Variants in SEMA4D observed in about 807,000 individuals in gnomAD.
The protein encoded by SEMA4D is semaphorin-4D.
SEMA4D carries 22 observed loss-of-function variants against 74.8 expected under a neutral mutation model. That is an observed-to-expected ratio of 0.29 (90% CI 0.21 to 0.42). The LOEUF is 0.42. SEMA4D is among the 10% of genes least tolerant of loss of function. The probability of loss-of-function intolerance (pLI) is 1.00; values close to 1 mark genes in which losing one functional copy is unlikely to be tolerated. For synonymous variants in SEMA4D, 445 were observed against 463.7 expected, an observed-to-expected ratio of 0.96 and a Z score of 0.52; for missense variants, 937 against 1,118.4, an observed-to-expected ratio of 0.84 and a Z score of 2.31.
intron 2 of SEMA4D, among the ~76,000 whole-genome samples, chr9:89,431,008 C>A (rs1452370278): frequency 1.3e-5 from 2 of 152,118 alleles, no homozygotes; most frequent in African/African-American, 4.8e-5. Flanking sequence ...AAATAGGCAC[C>A]CATCAGAAAC....
At chr9:89,406,586 G>C (rs1307916025) in intron 2 of SEMA4D, among the ~76,000 whole-genome samples, 6 of 152,220 alleles carry the variant, frequency 3.9e-5, no homozygotes, top group Non-Finnish European at 7.3e-5. Flanking sequence ...AGGGCGTCTA[G>C]CACCTTGATC....
intron 2 of SEMA4D, chr9:89,450,300 A>G (rs748083041): frequency 3.3e-6 from 3 of 917,458 alleles, no homozygotes; most frequent in Non-Finnish European, 5.5e-6. Flanking sequence ...CACTATGTAC[A>G]AATGAGACCC....
At chr9:89,376,734 G>A (rs1411866615), downstream of SEMA4D, 3 of 1,447,904 alleles carry the variant, frequency 2.1e-6, no homozygotes, top group East Asian at 5.0e-5. Context: ...GGAAGGTAAA[G>A]GAACATGTGG....
chr9:89,370,011 G>GTGTGTGATGTGTGT (rs1473251892), intron 16 of SEMA4D, among the ~76,000 whole-genome samples: 4 of 151,968 alleles, frequency 2.6e-5, no homozygotes, highest in African/African-American at 4.8e-5. Context: ...TGATTGGTGT[G>GTGTGTGATGTGTGT]TGTGTGATGT....
At chr9:89,401,591 G>A (rs985271449) in intron 4 of SEMA4D, among the ~76,000 whole-genome samples, 11 of 152,188 alleles carry the variant, frequency 7.2e-5, no homozygotes, top group Non-Finnish European at 1.2e-4. Context: ...GCATGAGGTA[G>A]GTGTTTCACT....
At chr9:89,461,383 G>A (rs560023498) in intron 1 of SEMA4D, among the ~76,000 whole-genome samples, 17 of 152,054 alleles carry the variant, frequency 1.1e-4, no homozygotes, top group Non-Finnish European at 1.6e-4. Context: ...ACTGAAAAGC[G>A]CCCCCACAGA....
At chr9:89,374,944 TA>T (rs1835582248), downstream of SEMA4D, among the ~76,000 whole-genome samples, 1 of 152,138 alleles carries the variant, frequency 6.6e-6, no homozygotes, top group South Asian at 2.1e-4. Context: ...TCCCAGCTAC[TA>T]GGGGGGCTGA....
chr9:89,399,585 C>T (rs930934242), intron 4 of SEMA4D, among the ~76,000 whole-genome samples: 5 of 152,142 alleles, frequency 3.3e-5, no homozygotes, highest in Non-Finnish European at 5.9e-5. Context: ...TTCCATCACT[C>T]ACCATAAAAC....
At chr9:89,491,571 A>AAACAACAACAACAAC (rs35705317) in intron 1 of SEMA4D, among the ~76,000 whole-genome samples, 5 of 150,652 alleles carry the variant, frequency 3.3e-5, no homozygotes, top group African/African-American at 1.2e-4. Context: ...TCTGTCTCAA[A>AAACAACAACAACAAC]AACAACAACA....
intron 1 of SEMA4D, among the ~76,000 whole-genome samples, chr9:89,476,734 G>A (rs1043869406): frequency 8.5e-5 from 13 of 152,154 alleles, no homozygotes; most frequent in African/African-American, 2.7e-4. Context: ...GACCCTGACC[G>A]ACACAATCAA....
intron 1 of SEMA4D, among the ~76,000 whole-genome samples, chr9:89,474,196 A>C (rs1861177842): frequency 6.6e-6 from 1 of 152,224 alleles, no homozygotes. Context: ...GTCCAAATTC[A>C]AACTGCTGCT....
chr9:89,388,486 A>G (rs1225955296), intron 11 of SEMA4D, 150 bp downstream of exon 11: 6 of 846,420 alleles, frequency 7.1e-6, no homozygotes, highest in Non-Finnish European at 1.0e-5. Flanking sequence ...AAGAAGGATG[A>G]GCTGTGCTCA....
chr9:89,384,237 C>T (rs1389347647), intron 13 of SEMA4D, among the ~76,000 whole-genome samples: 1 of 152,178 alleles, frequency 6.6e-6, no homozygotes, highest in Non-Finnish European at 1.5e-5. Flanking sequence ...TGGGAGCAAC[C>T]GTGTCCATCA....
intron 2 of SEMA4D, among the ~76,000 whole-genome samples, chr9:89,452,178 T>G (rs1336747977): frequency 3.0e-5 from 2 of 65,944 alleles, no homozygotes; most frequent in Non-Finnish European, 6.0e-5. Context: ...TCTTGGTTTT[T>G]TTTGTTTTTT....
Position 89,495,940 on chromosome 9 carries a change from G to A in SEMA4D, c.-310+1979C>T, listed in dbSNP as rs145626461. On this transcript the variant is annotated intron_variant, in intron 1 of 15. Coordinates refer to ENST00000422704, the MANE Select transcript of SEMA4D (RefSeq NM_001371194.2). ...TGCTGTTGTGCTGTCAGCAGCGGAC[G>A]TTCCCTCCCTCCTCAGTCAAAGCTG... 2.4e-3 allele frequency among the ~76,000 whole-genome samples: 366 copies of A among 152,316 alleles called. 5 individuals carry two copies. The Middle Eastern group carries it at 0.044, about 18-fold the overall frequency.
At chr9:89,409,409 C>T (rs1356208076) in intron 2 of SEMA4D, among the ~76,000 whole-genome samples, 2 of 152,064 alleles carry the variant, frequency 1.3e-5, no homozygotes, top group South Asian at 2.1e-4. Context: ...ATACAGATGT[C>T]GGGTGATAAG....
intron 2 of SEMA4D, among the ~76,000 whole-genome samples, chr9:89,422,746 G>A (rs1847246844): frequency 6.6e-6 from 1 of 152,164 alleles, no homozygotes; most frequent in African/African-American, 2.4e-5. Context: ...TTTCTGTCTG[G>A]AATGTTCACA....
chr9:89,444,940 T>A (rs185343294), intron 2 of SEMA4D, among the ~76,000 whole-genome samples: 43 of 152,180 alleles, frequency 2.8e-4, no homozygotes, highest in African/African-American at 1.0e-3. Context: ...AAAAGAGGGC[T>A]GAACATCCCG....
intron 1 of SEMA4D, among the ~76,000 whole-genome samples, chr9:89,496,123 G>A (rs950071443): frequency 3.3e-5 from 5 of 152,160 alleles, no homozygotes; most frequent in Admixed American, 1.3e-4. Context: ...AGACCCACTG[G>A]ATATCAAATG....
Sources: gnomAD v4.1 joint callset for allele counts (sites outside exome capture counted in the v4.1 genomes callset) on GRCh38, gnomAD v4.1.1 for gene constraint, MANE v1.5 for transcripts, NCBI Gene and HGNC (gene_info 2026-07-23, HGNC 2026-07-21) for gene names.